Variants in YBX1 observed in about 807,000 individuals in gnomAD.
YBX1 encodes Y-box-binding protein 1.
A neutral mutation model predicts 41.4 loss-of-function variants in YBX1; 3 were observed. The observed-to-expected ratio is 0.07, with a 90% confidence interval of 0.03 to 0.19. YBX1 has a LOEUF of 0.19. YBX1 is among the 10% of genes least tolerant of loss of function. YBX1 has a pLI of 1.00. For missense variants in YBX1, 274 were observed against 462.8 expected, an observed-to-expected ratio of 0.59 and a Z score of 3.74; for synonymous variants, 133 against 165.8, an observed-to-expected ratio of 0.80 and a Z score of 1.52.
intron 6 of YBX1, 42 bp downstream of exon 6, chr1:42,697,304 A>G (rs1177641423): frequency 1.9e-6 from 3 of 1,598,726 alleles, no homozygotes; most frequent in Non-Finnish European, 2.6e-6. Flanking sequence ...ATTTCCTCAA[A>G]CCCGTGTTAG....
At chr1:42,690,077 G>A (rs764283671) in intron 2 of YBX1, among the ~76,000 whole-genome samples, 1 of 152,028 alleles carries the variant, frequency 6.6e-6, no homozygotes, top group Non-Finnish European at 1.5e-5. Flanking sequence ...ATCTAGCAGG[G>A]CGTGGTGGTG....
At chr1:42,688,772 A>G (rs1460256143) in intron 2 of YBX1, among the ~76,000 whole-genome samples, 2 of 152,272 alleles carry the variant, frequency 1.3e-5, no homozygotes, top group Non-Finnish European at 2.9e-5. Context: ...TATGTGCTAT[A>G]GATGAGGTCT....
chr1:42,682,714 G>C lies in YBX1; in HGVS notation c.149G>C (p.Gly50Ala), dbSNP rs1465565937. The C allele has an allele frequency of 1.6e-6, 2 of 1,248,130 alleles. No individual in the cohort carries two copies. The highest frequency in any genetic ancestry group is 4.3e-5 in the Admixed American group (1 of 23,008). 77.3% of individuals were successfully genotyped at this position (1,248,130 alleles called of 1,614,324 possible). ...GGLTSAAPAG[G>A]DKKVIATKVL... Reference sequence around the variant, plus strand: ...CTCACATCGGCGGCGCCTGCCGGCGGGGACAAGAAGGTCATCGGTGAGGAC... The same window carrying C: ...CTCACATCGGCGGCGCCTGCCGGCGCGGACAAGAAGGTCATCGGTGAGGAC... Residue 50 changes from glycine to alanine, a missense_variant, in exon 1 of 8, where the codon GGG becomes GCG. Transcript: ENST00000321358.
chr1:42,685,939 T>C (rs1650183710), intron 2 of YBX1, among the ~76,000 whole-genome samples: 1 of 152,226 alleles, frequency 6.6e-6, no homozygotes, highest in South Asian at 2.1e-4. Flanking sequence ...CTTTTAAAAA[T>C]AGCAGAAGTT....
Position 42,696,717 on chromosome 1 carries a change from C to T in YBX1, c.430C>T (p.His144Tyr). ...CAGTAAATATGCAGCAGACCGTAACCATTATAGACGCTATCCACGTCGTAG... is the reference window on the plus strand; with the variant it reads ...CAGTAAATATGCAGCAGACCGTAACTATTATAGACGCTATCCACGTCGTAG... ...QGSKYAADRN[H>Y]YRRYPRRRGP... The change falls in exon 5 of 8, where the codon CAT becomes TAT. Residue 144 changes from histidine (H) to tyrosine (Y), a missense_variant. This residue lies in a region of YBX1 where 187 missense variants were observed against 306.3 expected (regional missense o/e 0.61). Coordinates refer to ENST00000321358, the MANE Select transcript of YBX1 (RefSeq NM_004559.5). This position sits in a 1 kb window ranked among gnomAD's most constrained non-coding sequence, Gnocchi z 5.7. The T allele has an allele frequency of 1.2e-6, 2 of 1,613,148 alleles. No individual in the cohort carries two copies. Among genetic ancestry groups the T allele is most frequent in the Non-Finnish European group, 1.7e-6 (2 of 1,179,484 alleles).
At chr1:42,699,400 GAGT>G (rs1650540046) in intron 6 of YBX1, among the ~76,000 whole-genome samples, 1 of 152,168 alleles carries the variant, frequency 6.6e-6, no homozygotes, top group Admixed American at 6.6e-5. Flanking sequence ...AATTAGAAGT[GAGT>G]TCACCCAGCT....
chr1:42,703,742 T>C lies in YBX1; in HGVS notation c.*1793T>C, dbSNP rs897250598. Among the ~76,000 whole-genome samples the C allele has an allele frequency of 1.3e-5, 2 of 152,092 alleles. No homozygotes were observed. Among genetic ancestry groups the C allele is most frequent in the African/African-American group, 4.8e-5 (2 of 41,416 alleles). On this transcript the variant is annotated 3_prime_UTR_variant, in exon 8 of 8. Coordinates refer to ENST00000321358, the MANE Select transcript of YBX1 (RefSeq NM_004559.5). ...TTCATGGCATCACAGAGTTGAAAAA[T>C]CATAAATGAAACCATTGTAAGTTGA...
In YBX1 at chr1:42,696,509, G is replaced by GCCCC; in HGVS notation, c.355-132_355-131insCCCC. The GCCCC allele has an allele frequency of 2.5e-6, 2 of 797,984 alleles. No individual in the cohort carries two copies. The highest frequency in any genetic ancestry group is 3.7e-6 in the Non-Finnish European group (2 of 538,454). The allele number at this position is 797,984 out of a possible 1,614,324, so 49.4% of individuals were successfully genotyped here. On this transcript the variant is annotated intron_variant, in intron 4 of 7. Coordinates refer to ENST00000321358, the MANE Select transcript of YBX1 (RefSeq NM_004559.5). This position sits in a 1 kb window ranked among gnomAD's most constrained non-coding sequence, Gnocchi z 5.7. Reference sequence around the variant, plus strand: ...TCTGTGCACCCCTGGTCACGCAGTTGCGCCCCCCCCCCCTTTTTTTTCCTT... The same window carrying GCCCC: ...TCTGTGCACCCCTGGTCACGCAGTTGCCCCCGCCCCCCCCCCCTTTTTTTTCCTT...
At chr1:42,695,320 T>A (rs1406015174) in intron 3 of YBX1, among the ~76,000 whole-genome samples, 1 of 152,182 alleles carries the variant, frequency 6.6e-6, no homozygotes, top group African/African-American at 2.4e-5. Flanking sequence ...TAGCTGAGAT[T>A]TGGAGTGAAC....
In YBX1 at chr1:42,694,001, T is replaced by A. The variant is rs72969232; in HGVS notation, c.264+478T>A. ...AAAAGTAGCATAAAGAGCCTTCTGCTTACTTTAAATCACTTTGAATGGGTA... is the reference window on the plus strand; with the variant it reads ...AAAAGTAGCATAAAGAGCCTTCTGCATACTTTAAATCACTTTGAATGGGTA... On this transcript the variant is annotated intron_variant, in intron 3 of 7. Coordinates refer to ENST00000321358, the MANE Select transcript of YBX1 (RefSeq NM_004559.5). 5.3e-3 allele frequency among the ~76,000 whole-genome samples: 812 copies of A among 152,120 alleles called. 9 individuals are homozygous for A. The highest frequency in any genetic ancestry group is 0.019 in the African/African-American group (785 of 41,502).
intron 6 of YBX1, among the ~76,000 whole-genome samples, chr1:42,699,208 C>A (rs1477718720): frequency 2.6e-5 from 4 of 152,100 alleles, no homozygotes; most frequent in African/African-American, 9.7e-5. Flanking sequence ...TAGGAACCTG[C>A]CGTTTTCCTG....
chr1:42,691,430 A>G (rs1465613400), intron 2 of YBX1, among the ~76,000 whole-genome samples: 2 of 152,162 alleles, frequency 1.3e-5, no homozygotes, highest in Non-Finnish European at 2.9e-5. Context: ...ATTATAGCTC[A>G]CTGCACCCTC....
intron 2 of YBX1, among the ~76,000 whole-genome samples, chr1:42,685,602 T>C (rs192555677): frequency 4.6e-5 from 7 of 152,288 alleles, no homozygotes; most frequent in Non-Finnish European, 8.8e-5. Flanking sequence ...CTGTCTCTTA[T>C]GAGGGAGGGA....
At chr1:42,700,619 C>A (rs373528367) in intron 6 of YBX1, among the ~76,000 whole-genome samples, 162 bp from the exon 7 acceptor site, 3 of 134,066 alleles carry the variant, frequency 2.2e-5, no homozygotes, top group African/African-American at 5.6e-5. Context: ...TCCCCCCCCC[C>A]CCAAAAAAAA....
At chr1:42,689,554 T>C (rs1557530508) in intron 2 of YBX1, among the ~76,000 whole-genome samples, 1 of 152,222 alleles carries the variant, frequency 6.6e-6, no homozygotes, top group African/African-American at 2.4e-5. Flanking sequence ...ATTTAGCTTA[T>C]TTTTTATGTA....
intron 2 of YBX1, 68 bp downstream of exon 2, chr1:42,683,534 G>C: frequency 6.3e-7 from 1 of 1,582,546 alleles, no homozygotes; most frequent in Admixed American, 1.7e-5. Flanking sequence ...CGGCTTCTCG[G>C]GGCTTGGGAA....
At chr1:42,690,805 C>T (rs1650311023) in intron 2 of YBX1, among the ~76,000 whole-genome samples, 1 of 152,182 alleles carries the variant, frequency 6.6e-6, no homozygotes, top group Admixed American at 6.5e-5. Flanking sequence ...TCTGAATTAT[C>T]TTTACTACTG....
intron 2 of YBX1, among the ~76,000 whole-genome samples, chr1:42,686,497 G>A (rs908703456): frequency 6.6e-6 from 1 of 152,044 alleles, no homozygotes; most frequent in Admixed American, 6.6e-5. Context: ...CTTTTTTTAC[G>A]ACAGCCTTCA....
At chr1:42,684,569 T>C (rs1361620716) in intron 2 of YBX1, among the ~76,000 whole-genome samples, 4 of 152,242 alleles carry the variant, frequency 2.6e-5, no homozygotes, top group Non-Finnish European at 4.4e-5. Context: ...CATAGAGTAT[T>C]GTGGAAACAC....
Sources: gnomAD v4.1 joint callset for allele counts (sites outside exome capture counted in the v4.1 genomes callset) on GRCh38, gnomAD v4.1.1 for gene constraint, gnomAD v4.1.1 regional missense constraint, Gnocchi (gnomAD v3.1) non-coding constraint, MANE v1.5 for transcripts, NCBI Gene and HGNC (gene_info 2026-07-23, HGNC 2026-07-21) for gene names.